The following PARP9 variants were observed in gnomAD, a reference collection of about 807,000 sequenced individuals.
The protein encoded by PARP9 is protein mono-ADP-ribosyltransferase PARP9.
PARP9 carries 48 observed loss-of-function variants against 68.8 expected under a neutral mutation model. That is an observed-to-expected ratio of 0.70 (90% confidence interval 0.55 to 0.89). The LOEUF (loss-of-function observed/expected upper bound fraction) is 0.89, where lower values mean the gene tolerates loss of function less well. Among genes scored for constraint, PARP9 ranks in the 40% least tolerant of loss-of-function variants. PARP9 has a pLI of 0.00. For synonymous variants in PARP9, 309 were observed against 333.8 expected, an observed-to-expected ratio of 0.93 and a Z score of 0.81; for missense variants, 806 against 969.3, an observed-to-expected ratio of 0.83 and a Z score of 2.24.
At chr3:122,552,386 G>T (rs758963312) in intron 5 of PARP9, 32 bp downstream of exon 5, 3 of 1,482,488 alleles carry the variant, frequency 2.0e-6, no homozygotes, top group Non-Finnish European at 2.8e-6. Context: ...AGACTATGGA[G>T]CTAAATAAAG....
chr3:122,550,891 C>A, intron 5 of PARP9, 89 bp from the exon 6 acceptor site: 1 of 1,167,566 alleles, frequency 8.6e-7, no homozygotes, highest in Non-Finnish European at 1.2e-6. Context: ...TTACAATGTC[C>A]ACCTTCACCC....
Position 122,555,802 on chromosome 3 carries a change from TCCA to T in PARP9, c.366_368del (p.Gly123del). The T allele has an allele frequency of 6.2e-7, 1 of 1,614,034 alleles. No individual in the cohort carries two copies. The highest frequency in any genetic ancestry group is 8.5e-7 in the Non-Finnish European group (1 of 1,180,020). ...GTTTGCTCTCTTCTTGGATTTCAAA[TCCA>T]CCAGCTTTTACCAGGGCCAGGGCCA... On this transcript the variant is annotated inframe_deletion, in exon 4 of 11. Transcript: ENST00000682323.
chr3:122,534,701 C>T (rs1161202564), intron 10 of PARP9: 2 of 190,452 alleles, frequency 1.1e-5, no homozygotes, highest in Non-Finnish European at 1.9e-5. Context: ...GATGAAACCT[C>T]GTCTCTACTA....
intron 6 of PARP9, among the ~76,000 whole-genome samples, chr3:122,550,294 G>T (rs1258522022): frequency 6.6e-6 from 1 of 152,178 alleles, no homozygotes. Flanking sequence ...GGTCAGGTTG[G>T]TCTAGAACTC....
intron 7 of PARP9, 119 bp from the exon 8 acceptor site, chr3:122,540,971 A>C: frequency 1.0e-5 from 12 of 1,161,008 alleles, no homozygotes; most frequent in Non-Finnish European, 1.4e-5. Context: ...GCTCACTGCA[A>C]GCTCCGCCTC....
chr3:122,545,723 A>G lies in PARP9; in HGVS notation c.1327-234T>C, dbSNP rs547536878. 1.9e-5 allele frequency: 10 copies of G among 528,734 alleles called. No individual in the cohort carries two copies. In the African/African-American group the frequency reaches 1.9e-4, roughly 10 times the overall value. The allele number at this position is 528,734 out of a possible 1,614,324, so 32.8% of individuals were successfully genotyped here. ...GGAGATGAAATCAAAATCTGGTATA[A>G]ATAAAGAAGACTATACATTCCGAGA... On this transcript the variant is annotated intron_variant, in intron 6 of 10. Transcript: ENST00000682323.
intron 6 of PARP9, among the ~76,000 whole-genome samples, chr3:122,547,097 C>CGTATTTTTTTTCTTTTTTTTTTTTTTTAT (rs2078799861): frequency 9.3e-6 from 1 of 106,992 alleles, no homozygotes; most frequent in Non-Finnish European, 1.9e-5. Context: ...TATATATATA[C>CGTATTTTTTTTCTTTTTTTTTTTTTTTAT]ACGTATTTTT....
At chr3:122,554,275 C>G (rs2079451542) in intron 4 of PARP9, among the ~76,000 whole-genome samples, 1 of 152,002 alleles carries the variant, frequency 6.6e-6, no homozygotes, top group Non-Finnish European at 1.5e-5. Flanking sequence ...AAACTCATAC[C>G]TTCTGAAGCA....
intron 6 of PARP9, among the ~76,000 whole-genome samples, chr3:122,548,022 C>G (rs2078902632): frequency 6.6e-6 from 1 of 152,174 alleles, no homozygotes; most frequent in Non-Finnish European, 1.5e-5. Context: ...CACCATCTCA[C>G]CAGTTAGCTG....
chr3:122,533,458 G>C (rs748568883), intron 10 of PARP9: 4 of 155,652 alleles, frequency 2.6e-5, no homozygotes, highest in Non-Finnish European at 5.6e-5. Flanking sequence ...AAATTCCTAA[G>C]TCGTCATCAT....
intron 4 of PARP9, among the ~76,000 whole-genome samples, chr3:122,552,989 C>T (rs978560234): frequency 5.9e-5 from 9 of 152,034 alleles, no homozygotes; most frequent in Admixed American, 2.6e-4. Context: ...CATCTCTGCC[C>T]GACCACCATG....
chr3:122,534,542 T>C (rs1337415978), intron 10 of PARP9: 2 of 659,710 alleles, frequency 3.0e-6, no homozygotes, highest in Non-Finnish European at 3.8e-6. Flanking sequence ...TATATCACTA[T>C]ATAATGAGTA....
chr3:122,534,101 C>G, intron 10 of PARP9: 1 of 971,984 alleles, frequency 1.0e-6, no homozygotes, highest in Non-Finnish European at 1.2e-6. Flanking sequence ...GGGAGAAGGG[C>G]AGAGCACACA....
chr3:122,546,389 G>T (rs1490792792), intron 6 of PARP9, among the ~76,000 whole-genome samples: 1 of 151,968 alleles, frequency 6.6e-6, no homozygotes, highest in East Asian at 1.9e-4. Flanking sequence ...TAAGTTACAT[G>T]AGATACGCAA....
At chr3:122,563,483 A>G (rs190327122) in intron 1 of PARP9, among the ~76,000 whole-genome samples, 3 of 152,226 alleles carry the variant, frequency 2.0e-5, no homozygotes, top group East Asian at 1.9e-4. Flanking sequence ...TTTCCTAAAA[A>G]TCATTAAAAT....
intron 7 of PARP9, among the ~76,000 whole-genome samples, chr3:122,542,250 A>C (rs1576400673): frequency 5.5e-4 from 61 of 110,800 alleles, no homozygotes; most frequent in East Asian, 9.7e-4. Context: ...TCCTCCTTCT[A>C]CTACTACTTT....
chr3:122,550,529 CTGAATGAA>C (rs571811126), intron 6 of PARP9, 47 bp downstream of exon 6: 3 of 1,330,756 alleles, frequency 2.3e-6, no homozygotes, highest in African/African-American at 2.9e-5. Flanking sequence ...ACAGATGTTG[CTGAATGAA>C]TGAATGAATG....
upstream of PARP9, chr3:122,564,406 G>C (rs775815555): frequency 3.8e-6 from 6 of 1,596,756 alleles, no homozygotes; most frequent in South Asian, 6.6e-5. Flanking sequence ...GAGCCCCCGC[G>C]CCCTCCCGAC....
chr3:122,535,552 T>C (rs1411193022), intron 10 of PARP9: 1 of 985,264 alleles, frequency 1.0e-6, no homozygotes, highest in Non-Finnish European at 1.2e-6. Context: ...GAAATCTTCA[T>C]TAGTGACTGA....
Sources: allele counts gnomAD v4.1 joint callset (sites outside exome capture counted in the v4.1 genomes callset), GRCh38; gene constraint gnomAD v4.1.1; transcripts MANE v1.5; gene names NCBI Gene and HGNC (gene_info 2026-07-23, HGNC 2026-07-21).